BICDL1: variants seen among roughly 807,000 people sequenced by gnomAD.
BICDL1 encodes BICD family-like cargo adapter 1.
Under a neutral mutation model 76.8 loss-of-function variants are expected in BICDL1, and 20 were observed. That is an observed-to-expected ratio of 0.26 (90% CI 0.18 to 0.38). The LOEUF is 0.38. Ranked by LOEUF, BICDL1 falls within the 10% of genes least tolerant of loss-of-function variation. BICDL1 has a pLI of 1.00. For synonymous variants in BICDL1, 383 were observed against 337.1 expected (o/e 1.14, Z -1.49); for missense variants, 700 against 798.6 (o/e 0.88, Z 1.49).
chr12:120,086,893 C>T (rs1279231958), intron 8 of BICDL1, among the ~76,000 whole-genome samples: 1 of 152,230 alleles, frequency 6.6e-6, no homozygotes, highest in African/African-American at 2.4e-5. Context: ...CGGTGCAGCG[C>T]GTGGCCAGGA....
At chr12:120,033,600 C>T (rs1566232161) in intron 2 of BICDL1, among the ~76,000 whole-genome samples, 1 of 151,894 alleles carries the variant, frequency 6.6e-6, no homozygotes, top group Non-Finnish European at 1.5e-5. Flanking sequence ...CCAGGATGGT[C>T]TCCATCTCCT....
intron 1 of BICDL1, among the ~76,000 whole-genome samples, chr12:119,994,457 T>C (rs1338648760): frequency 6.6e-6 from 1 of 152,052 alleles, no homozygotes; most frequent in Non-Finnish European, 1.5e-5. Flanking sequence ...CTAATGATCT[T>C]AATTTTGGGT....
chr12:120,039,637 C>CAAAAAAAAAA (rs58284420), intron 2 of BICDL1, among the ~76,000 whole-genome samples: 1 of 54,760 alleles, frequency 1.8e-5, no homozygotes, highest in African/African-American at 7.0e-5. Context: ...GACTCCGTCT[C>CAAAAAAAAAA]AAAAAAAAAA....
rs1469593018 is a variant in BICDL1 at position 119,989,586 on chromosome 12, C to T, written c.-283C>T. On this transcript the variant is annotated 5_prime_UTR_variant, in exon 1 of 10. Transcript: ENST00000548673. ...CTCTGTTCCTGAGTCCTCCCTTCCC[C>T]AGCCTTCCCGTTCCCACCACCTACT... 2.7e-5 allele frequency among the ~76,000 whole-genome samples: 4 copies of T among 150,534 alleles called. No individual in the cohort carries two copies. Among genetic ancestry groups the T allele is most frequent in the South Asian group, 4.1e-4 (2 of 4,822 alleles).
chr12:119,997,950 C>A (rs1392361801), intron 1 of BICDL1, among the ~76,000 whole-genome samples: 2 of 152,132 alleles, frequency 1.3e-5, no homozygotes, highest in African/African-American at 2.4e-5. Context: ...CCCATCTCTA[C>A]TGAAAATACA....
At chr12:120,060,841 C>G (rs1442999080) in intron 2 of BICDL1, among the ~76,000 whole-genome samples, 2 of 152,210 alleles carry the variant, frequency 1.3e-5, no homozygotes, top group East Asian at 1.9e-4. Context: ...TATCACCATC[C>G]CACCTCCTCG....
rs554330439 is a variant in BICDL1 at position 120,072,065 on chromosome 12, T to C, written c.1089+264T>C. Reference sequence around the variant, plus strand: ...CATAGGCACAGCCAATTCCCACTCATTGTCACCCCAGTTCCTCTTAGGAAA... The same window carrying C: ...CATAGGCACAGCCAATTCCCACTCACTGTCACCCCAGTTCCTCTTAGGAAA... On this transcript the variant is annotated intron_variant, in intron 5 of 9. Coordinates refer to ENST00000548673, the MANE Select transcript of BICDL1 (RefSeq NM_001367886.1). Among the ~76,000 whole-genome samples, 20 of 152,332 alleles carry C rather than the reference T, an allele frequency of 1.3e-4. No homozygotes were observed. In the South Asian group the frequency reaches 2.5e-3, roughly 19 times the overall value.
intron 2 of BICDL1, among the ~76,000 whole-genome samples, chr12:120,053,103 G>T (rs1284196036): frequency 6.6e-6 from 1 of 151,244 alleles, no homozygotes; most frequent in Non-Finnish European, 1.5e-5. Context: ...TTTATTTGAG[G>T]TGTTTTGTTC....
At chr12:120,025,130 G>A (rs1283508275) in intron 2 of BICDL1, among the ~76,000 whole-genome samples, 1 of 149,744 alleles carries the variant, frequency 6.7e-6, no homozygotes, top group Non-Finnish European at 1.5e-5. Context: ...GCTCACTGCA[G>A]GCTCCGCCCC....
chr12:119,992,359 T>C (rs976445518), intron 1 of BICDL1: 2 of 152,242 alleles, frequency 1.3e-5, no homozygotes, highest in Admixed American at 1.3e-4. Context: ...AATGTCTGTT[T>C]AGACAATACT....
At chr12:120,026,437 T>A (rs1232198981) in intron 2 of BICDL1, among the ~76,000 whole-genome samples, 1 of 151,284 alleles carries the variant, frequency 6.6e-6, no homozygotes, top group East Asian at 1.9e-4. Flanking sequence ...AGTGAAGTTC[T>A]AAAAAAAAAT....
chr12:120,008,038 A>G (rs989268943), intron 2 of BICDL1, among the ~76,000 whole-genome samples: 3 of 152,204 alleles, frequency 2.0e-5, no homozygotes, highest in Non-Finnish European at 1.5e-5. Context: ...TATGAAAACA[A>G]GATAATTTCT....
At chr12:119,991,696 T>G (rs1249907137) in intron 1 of BICDL1, among the ~76,000 whole-genome samples, 1 of 152,040 alleles carries the variant, frequency 6.6e-6, no homozygotes, top group Non-Finnish European at 1.5e-5. Context: ...GATTTGAAAT[T>G]TCTTCAGTGA....
At chr12:120,016,642 A>G (rs1402013264) in intron 2 of BICDL1, among the ~76,000 whole-genome samples, 1 of 149,650 alleles carries the variant, frequency 6.7e-6, no homozygotes, top group African/African-American at 2.5e-5. Flanking sequence ...CTGATCTTGA[A>G]CTCTTGGGCT....
In BICDL1 at chr12:120,007,066, T is replaced by G. The variant is rs1379982279; in HGVS notation, c.645+8330T>G. 2.0e-5 allele frequency among the ~76,000 whole-genome samples: 3 copies of G among 151,812 alleles called. No individual in the cohort carries two copies. In the East Asian group the frequency reaches 5.8e-4, roughly 29 times the overall value. The stretch of plus-strand genomic sequence containing the variant: ...GACTTACTAATGGAATAAATGGTTG[T>G]GGGAAGGAAGGTTAAAGAAAAAAAA... On this transcript the variant is annotated intron_variant, in intron 2 of 9. Transcript: ENST00000548673.
chr12:119,994,474 G>A (rs953565453), intron 1 of BICDL1, among the ~76,000 whole-genome samples: 12 of 151,710 alleles, frequency 7.9e-5, no homozygotes, highest in Admixed American at 4.6e-4. Context: ...GGGTGGTGGG[G>A]TTTTTTTAGT....
intron 1 of BICDL1, among the ~76,000 whole-genome samples, chr12:119,994,644 C>T (rs969396011): frequency 6.6e-6 from 1 of 152,126 alleles, no homozygotes; most frequent in Admixed American, 6.5e-5. Context: ...TATACACCAC[C>T]ATGCCCGGCT....
At chr12:120,052,477 A>G (rs1446368070) in intron 2 of BICDL1, among the ~76,000 whole-genome samples, 1 of 152,036 alleles carries the variant, frequency 6.6e-6, no homozygotes, top group Admixed American at 6.6e-5. Flanking sequence ...TTTTGTCATA[A>G]TTAGATTGAG....
At chr12:119,994,099 A>G (rs141489033) in intron 1 of BICDL1, among the ~76,000 whole-genome samples, 184 of 152,310 alleles carry the variant, frequency 1.2e-3, no homozygotes, top group Non-Finnish European at 2.2e-3. Flanking sequence ...AATGTACAGT[A>G]TCTCCCTTTT....
Sources: allele counts gnomAD v4.1 joint callset (sites outside exome capture counted in the v4.1 genomes callset), GRCh38; gene constraint gnomAD v4.1.1; transcripts MANE v1.5; gene names NCBI Gene and HGNC (gene_info 2026-07-23, HGNC 2026-07-21).